The following UBE4B variants were observed in gnomAD, a reference collection of about 807,000 sequenced individuals.
The protein encoded by UBE4B is ubiquitin conjugation factor E4 B.
UBE4B carries 27 observed loss-of-function variants against 148.1 expected under a neutral mutation model. The observed-to-expected ratio is 0.18, with a 90% CI of 0.13 to 0.25. The LOEUF is 0.25. UBE4B is among the 10% of genes least tolerant of loss of function. The pLI is 1.00. For synonymous variants in UBE4B, 596 were observed against 619.3 expected, an observed-to-expected ratio of 0.96 and a Z score of 0.56; for missense variants, 1,170 against 1,662.4, an observed-to-expected ratio of 0.70 and a Z score of 5.15.
At chr1:10,102,559 C>T (rs190929970) in intron 4 of UBE4B, among the ~76,000 whole-genome samples, 50 of 151,642 alleles carry the variant, frequency 3.3e-4, no homozygotes, top group African/African-American at 1.1e-3. Flanking sequence ...TAGCCAGGCC[C>T]GCAACCGCGC....
intron 4 of UBE4B, 83 bp downstream of exon 4, chr1:10,101,278 G>C: frequency 7.3e-7 from 1 of 1,370,448 alleles, no homozygotes; most frequent in Non-Finnish European, 1.0e-6. Flanking sequence ...TGTTAGATTG[G>C]GGCCACCCGA....
At position 10,106,504 on chromosome 1, in the gene UBE4B, A is replaced by G; in HGVS notation, c.1117A>G (p.Ser373Gly). The change falls in exon 7 of 28, where the codon AGC becomes GGC. Residue 373 changes from serine to glycine, a missense_variant. This residue lies in a region of UBE4B where 214 missense variants were observed against 209.1 expected (regional missense o/e 1.02). Transcript: ENST00000343090. This position sits in a 1 kb window ranked among gnomAD's most constrained non-coding sequence, Gnocchi z 4.2. ...CGCCAGCAGTTCCAGACAGAGGCCC[A>G]GCAGCACGGGTCCACCCCTACCACC... ...VPASSSRQRP[S>G]STGPPLPPAS... The G allele has an allele frequency of 6.2e-7, 1 of 1,612,894 alleles. No homozygotes were observed.
chr1:10,138,166 C>T (rs1413714307), intron 17 of UBE4B, among the ~76,000 whole-genome samples: 5 of 150,546 alleles, frequency 3.3e-5, no homozygotes, highest in Non-Finnish European at 7.4e-5. Flanking sequence ...GGCATGATCT[C>T]GGCTCACTGT....
intron 2 of UBE4B, among the ~76,000 whole-genome samples, chr1:10,076,523 C>T (rs777201319): frequency 1.9e-4 from 29 of 151,886 alleles, no homozygotes; most frequent in Non-Finnish European, 2.6e-4. Flanking sequence ...AGATTACACA[C>T]GTGAGCTACC....
chr1:10,081,459 CTG>C (rs1644679341), intron 2 of UBE4B, among the ~76,000 whole-genome samples: 1 of 151,980 alleles, frequency 6.6e-6, no homozygotes. Flanking sequence ...TGGTCCCACT[CTG>C]TCACCCAGGC....
At chr1:10,114,289 G>C (rs565275202) in intron 7 of UBE4B, among the ~76,000 whole-genome samples, 1 of 152,318 alleles carries the variant, frequency 6.6e-6, no homozygotes, top group East Asian at 1.9e-4. Flanking sequence ...CTTGCAAAGT[G>C]CAGTGAATAT....
At chr1:10,153,234 G>A (rs1036448133) in intron 21 of UBE4B, among the ~76,000 whole-genome samples, 5 of 151,958 alleles carry the variant, frequency 3.3e-5, no homozygotes, top group Non-Finnish European at 7.4e-5. Flanking sequence ...GGCTGGGCAC[G>A]GTGACTCCAG....
rs149604270 is a variant in UBE4B, at chr1:10,144,607, C to A, written c.2364-333C>A. Among the ~76,000 whole-genome samples the A allele has an allele frequency of 9.2e-3, 1,401 of 151,984 alleles. 13 individuals carry two copies. Among genetic ancestry groups the A allele is most frequent in the African/African-American group, 0.031 (1,284 of 41,452 alleles). On this transcript the variant is annotated intron_variant, in intron 17 of 27. Transcript: ENST00000343090. ...AAAATTAGCTGGGCATGGTGGTGAG[C>A]ACCTGTAATCCCAGCTACTTGGGAG...
At chr1:10,079,908 T>C (rs1644648436) in intron 2 of UBE4B, among the ~76,000 whole-genome samples, 2 of 152,150 alleles carry the variant, frequency 1.3e-5, no homozygotes, top group Non-Finnish European at 2.9e-5. Context: ...ATGGCTTCTG[T>C]CTGTTGGGCA....
intron 1 of UBE4B, among the ~76,000 whole-genome samples, chr1:10,051,971 T>G (rs894096835): frequency 1.3e-5 from 2 of 152,214 alleles, no homozygotes; most frequent in African/African-American, 2.4e-5. Context: ...GATTGAGAAG[T>G]GACTTTACCT....
intron 13 of UBE4B, 24 bp downstream of exon 13, chr1:10,130,640 T>C: frequency 2.5e-6 from 4 of 1,613,044 alleles, no homozygotes; most frequent in Non-Finnish European, 3.4e-6. Context: ...CTACTTGTAC[T>C]TTGCTGCCCT....
At chr1:10,129,213 A>C in intron 11 of UBE4B, 179 bp from the exon 12 acceptor site, 1 of 508,250 alleles carries the variant, frequency 2.0e-6, no homozygotes. Flanking sequence ...TTCACATTGC[A>C]TGTGTTTTAG....
At position 10,064,287 on chromosome 1, in the gene UBE4B, A is replaced by G. The variant is rs577438614; in HGVS notation, c.25-7741A>G. 2.6e-5 allele frequency among the ~76,000 whole-genome samples: 4 copies of G among 152,362 alleles called. No homozygotes were observed. In the South Asian group the frequency reaches 8.3e-4, roughly 32 times the overall value. ...CTCTCTGGGATGATTCAGTTATTAC[A>G]TGAATATACAGTTAGTGTAAATGAA... On this transcript the variant is annotated intron_variant, in intron 1 of 27. Transcript: ENST00000343090.
At chr1:10,093,567 A>G (rs1644882414) in intron 2 of UBE4B, among the ~76,000 whole-genome samples, 1 of 152,232 alleles carries the variant, frequency 6.6e-6, no homozygotes, top group Non-Finnish European at 1.5e-5. Flanking sequence ...TCTTCAATGA[A>G]GAGAAACATT....
intron 25 of UBE4B, among the ~76,000 whole-genome samples, chr1:10,177,289 G>A (rs1177915682): frequency 1.3e-5 from 2 of 152,024 alleles, no homozygotes; most frequent in East Asian, 3.9e-4. Flanking sequence ...GGAGGCCAAG[G>A]TGGGCAGATC....
At chr1:10,108,164 T>TGTGTGTGC (rs2101898386) in intron 7 of UBE4B, among the ~76,000 whole-genome samples, 1 of 152,038 alleles carries the variant, frequency 6.6e-6, no homozygotes, top group African/African-American at 2.4e-5. Flanking sequence ...TGTGTGTGTG[T>TGTGTGTGC]GTGCGTGCGT....
chr1:10,066,548 C>T (rs1644391292), intron 1 of UBE4B, among the ~76,000 whole-genome samples: 1 of 151,868 alleles, frequency 6.6e-6, no homozygotes, highest in Non-Finnish European at 1.5e-5. Context: ...GTGAAATTGT[C>T]ATAGCATTTA....
At chr1:10,132,981 C>T in intron 15 of UBE4B, among the ~76,000 whole-genome samples, 1 of 152,054 alleles carries the variant, frequency 6.6e-6, no homozygotes, top group East Asian at 1.9e-4. Flanking sequence ...GTTAGGTTTA[C>T]GTGATCAGAA....
At chr1:10,075,637 A>G (rs1444813941) in intron 2 of UBE4B, among the ~76,000 whole-genome samples, 1 of 152,238 alleles carries the variant, frequency 6.6e-6, no homozygotes, top group Non-Finnish European at 1.5e-5. Context: ...ATCATTATTC[A>G]TAATCACAAA....
Sources: gnomAD v4.1 joint callset for allele counts (sites outside exome capture counted in the v4.1 genomes callset) on GRCh38, gnomAD v4.1.1 for gene constraint, gnomAD v4.1.1 regional missense constraint, Gnocchi (gnomAD v3.1) non-coding constraint, MANE v1.5 for transcripts, NCBI Gene and HGNC (gene_info 2026-07-23, HGNC 2026-07-21) for gene names.